Variants in PTPRD observed in about 807,000 individuals in gnomAD.
The protein encoded by PTPRD is protein tyrosine phosphatase receptor type D.
PTPRD carries 34 observed loss-of-function variants against 214.5 expected under a neutral mutation model. That is an observed-to-expected ratio of 0.16 (90% CI 0.12 to 0.21). The LOEUF is 0.21. Among genes scored for constraint, PTPRD ranks in the 10% least tolerant of loss-of-function variants. PTPRD has a pLI of 1.00. For synonymous variants in PTPRD, 1,128 were observed against 845.7 expected (o/e 1.33, Z -5.79); for missense variants, 2,545 against 2,398.7 (o/e 1.06, Z -1.27).
chr9:10,274,496 T>C (rs2094575528), intron 3 of PTPRD, among the ~76,000 whole-genome samples: 1 of 152,142 alleles, frequency 6.6e-6, no homozygotes, highest in South Asian at 2.1e-4. Context: ...TTTGCGCTAG[T>C]ATGATCTAAA....
In PTPRD at chr9:9,590,153, T is replaced by C. The variant is rs747922989; in HGVS notation, c.-286-15372A>G. 7.6e-4 allele frequency among the ~76,000 whole-genome samples: 116 copies of C among 152,058 alleles called. 1 individual carries two copies. Among genetic ancestry groups the C allele is most frequent in the Non-Finnish European group, 1.4e-3 (94 of 67,958 alleles). The stretch of plus-strand genomic sequence containing the variant: ...CATCACTTACTGTATGGTGACTGTT[T>C]CTATTTTTTAAACACATTTACATAT... On this transcript the variant is annotated intron_variant, in intron 7 of 45. Coordinates refer to ENST00000381196, the MANE Select transcript of PTPRD (RefSeq NM_002839.4).
intron 11 of PTPRD, among the ~76,000 whole-genome samples, chr9:8,845,550 G>A (rs1330185743): frequency 6.6e-6 from 1 of 152,220 alleles, no homozygotes; most frequent in East Asian, 1.9e-4. Flanking sequence ...TGCCTTACAG[G>A]CATGGCACAG....
intron 3 of PTPRD, among the ~76,000 whole-genome samples, chr9:10,183,917 A>G (rs2099315385): frequency 6.6e-6 from 1 of 152,208 alleles, no homozygotes; most frequent in South Asian, 2.1e-4. Context: ...GCTCATAAGG[A>G]AATAGAATCA....
chr9:8,704,836 T>G (rs1305556592), intron 12 of PTPRD, among the ~76,000 whole-genome samples: 1 of 151,542 alleles, frequency 6.6e-6, no homozygotes, highest in Non-Finnish European at 1.5e-5. Context: ...GGCAGGAGAA[T>G]CATGTGAACC....
intron 2 of PTPRD, among the ~76,000 whole-genome samples, chr9:10,386,085 T>G (rs530332474): frequency 6.6e-6 from 1 of 151,996 alleles, no homozygotes; most frequent in Non-Finnish European, 1.5e-5. Flanking sequence ...AGGCATGAAA[T>G]TCAGTCTTTA....
chr9:10,414,636 C>T (rs763906173), intron 2 of PTPRD, among the ~76,000 whole-genome samples: 2 of 151,818 alleles, frequency 1.3e-5, no homozygotes, highest in East Asian at 1.9e-4. Flanking sequence ...GACACATGCA[C>T]GTGAATGTTC....
chr9:9,946,854 T>G (rs1412716497), intron 4 of PTPRD, among the ~76,000 whole-genome samples: 1 of 152,098 alleles, frequency 6.6e-6, no homozygotes, highest in East Asian at 1.9e-4. Context: ...AAACTTAAAA[T>G]ATGCTTTAAT....
Position 8,521,263 on chromosome 9 carries a change from T to C in PTPRD, c.961+14A>G. 1 of 1,601,688 alleles carries C rather than the reference T, an allele frequency of 6.2e-7. No individual in the cohort carries two copies. The highest frequency in any genetic ancestry group is 1.1e-5 in the South Asian group (1 of 89,250). On this transcript the variant is annotated intron_variant, in intron 20 of 45. Transcript: ENST00000381196. ...GTGTACCCAGATCCTCAAAGCATAA[T>C]CCATTGAGCATACCTTTGACAGTGA...
At chr9:9,463,487 G>T (rs1434731081) in intron 8 of PTPRD, among the ~76,000 whole-genome samples, 3 of 152,050 alleles carry the variant, frequency 2.0e-5, no homozygotes, top group Non-Finnish European at 4.4e-5. Flanking sequence ...GGAGGTGGAG[G>T]AGGCAGGCAA....
chr9:10,026,034 C>CT (rs2096916730), intron 4 of PTPRD, among the ~76,000 whole-genome samples: 2 of 152,202 alleles, frequency 1.3e-5, no homozygotes, highest in Admixed American at 6.5e-5. Context: ...GAGTTCACCA[C>CT]TTGCATAACC....
intron 3 of PTPRD, among the ~76,000 whole-genome samples, chr9:10,271,534 C>CTTTTTT (rs1251429330): frequency 2.3e-5 from 2 of 86,570 alleles, no homozygotes; most frequent in African/African-American, 3.1e-5. Flanking sequence ...TCAATTGTTT[C>CTTTTTT]TTTTCTTTTC....
At chr9:9,712,847 T>A (rs561979479) in intron 7 of PTPRD, among the ~76,000 whole-genome samples, 2 of 152,338 alleles carry the variant, frequency 1.3e-5, no homozygotes, top group Admixed American at 6.5e-5. Context: ...AAAACTATTT[T>A]ATGGTATTTG....
intron 11 of PTPRD, among the ~76,000 whole-genome samples, chr9:9,009,078 T>C (rs1024029168): frequency 6.6e-6 from 1 of 152,136 alleles, no homozygotes. Flanking sequence ...GGCTAATGTA[T>C]GTATAAAAAT....
intron 39 of PTPRD, among the ~76,000 whole-genome samples, chr9:8,362,914 T>C (rs771371911): frequency 9.2e-5 from 14 of 152,206 alleles, no homozygotes; most frequent in Non-Finnish European, 1.8e-4. Context: ...GTGAAAGTCA[T>C]GGAATTCAGA....
At chr9:9,250,933 G>C (rs2099975218) in intron 9 of PTPRD, among the ~76,000 whole-genome samples, 2 of 151,990 alleles carry the variant, frequency 1.3e-5, no homozygotes, top group South Asian at 2.1e-4. Context: ...TTCAGCAAGG[G>C]AGAAGAGAAA....
At chr9:8,918,191 G>T (rs897138547) in intron 11 of PTPRD, among the ~76,000 whole-genome samples, 1 of 152,090 alleles carries the variant, frequency 6.6e-6, no homozygotes, top group Non-Finnish European at 1.5e-5. Context: ...GCATTAAGTG[G>T]CCACCTGGGC....
chr9:10,235,105 C>A (rs1171265703), intron 3 of PTPRD, among the ~76,000 whole-genome samples: 1 of 151,912 alleles, frequency 6.6e-6, no homozygotes, highest in African/African-American at 2.4e-5. Flanking sequence ...ACAGCCCTTA[C>A]TTTTTACCCT....
intron 27 of PTPRD, among the ~76,000 whole-genome samples, chr9:8,489,410 T>G (rs958522243): frequency 6.6e-6 from 1 of 152,124 alleles, no homozygotes; most frequent in Non-Finnish European, 1.5e-5. Context: ...TGCTCTCTAT[T>G]GCCAAACCCA....
At chr9:10,471,487 C>T (rs2152510) in intron 2 of PTPRD, among the ~76,000 whole-genome samples, 133,200 of 151,934 alleles carry the variant, frequency 0.88, 58,532 homozygotes, top group East Asian at 1. Flanking sequence ...TTTAAGACTG[C>T]CCTGGCTTGT....
Sources: gnomAD v4.1 joint callset for allele counts (sites outside exome capture counted in the v4.1 genomes callset) on GRCh38, gnomAD v4.1.1 for gene constraint, MANE v1.5 for transcripts, NCBI Gene and HGNC (gene_info 2026-07-23, HGNC 2026-07-21) for gene names.